Variants in ADAMTS18 observed in about 807,000 individuals in gnomAD.
ADAMTS18 encodes A disintegrin and metalloproteinase with thrombospondin motifs 18.
A neutral mutation model predicts 165.9 loss-of-function variants in ADAMTS18; 157 were observed. The observed-to-expected ratio is 0.95, with a 90% confidence interval of 0.83 to 1.08. The LOEUF (loss-of-function observed/expected upper bound fraction) is 1.08. Among genes scored for constraint, ADAMTS18 ranks in the 50% least tolerant of loss-of-function variants. ADAMTS18 has a pLI of 0.00. For synonymous variants in ADAMTS18, 782 were observed against 578.2 expected, an observed-to-expected ratio of 1.35 and a Z score of -5.06; for missense variants, 2,040 against 1,534.0, an observed-to-expected ratio of 1.33 and a Z score of -5.51.
intron 13 of ADAMTS18, 47 bp downstream of exon 13, chr16:77,325,819 T>C (rs2056084438): frequency 6.4e-7 from 1 of 1,560,966 alleles, no homozygotes. Flanking sequence ...TCAATCACAT[T>C]ATTATCCACA....
At chr16:77,298,083 C>A (rs2055509798) in intron 17 of ADAMTS18, among the ~76,000 whole-genome samples, 2 of 151,858 alleles carry the variant, frequency 1.3e-5, no homozygotes, top group African/African-American at 4.8e-5. Flanking sequence ...TGACACCATA[C>A]CCAGCTAATT....
At chr16:77,407,679 T>C (rs1597236996) in intron 3 of ADAMTS18, among the ~76,000 whole-genome samples, 1 of 152,032 alleles carries the variant, frequency 6.6e-6, no homozygotes, top group East Asian at 1.9e-4. Flanking sequence ...CAGCTAGCAA[T>C]GTAGTGTGCC....
intron 11 of ADAMTS18, among the ~76,000 whole-genome samples, chr16:77,340,250 C>T (rs1379726478): frequency 6.6e-6 from 1 of 152,206 alleles, no homozygotes; most frequent in East Asian, 1.9e-4. Flanking sequence ...TCTCCACTTC[C>T]TGCAACCTCT....
chr16:77,384,418 T>C (rs571923945), intron 3 of ADAMTS18, among the ~76,000 whole-genome samples: 4 of 152,340 alleles, frequency 2.6e-5, no homozygotes, highest in African/African-American at 9.6e-5. Context: ...AGAGTTGATG[T>C]TGTATTTGAT....
At chr16:77,385,043 G>C (rs2057087298) in intron 3 of ADAMTS18, among the ~76,000 whole-genome samples, 1 of 151,746 alleles carries the variant, frequency 6.6e-6, no homozygotes, top group Non-Finnish European at 1.5e-5. Context: ...CAAGTAGCTG[G>C]GATTACAGAC....
chr16:77,390,848 T>C (rs2057177011), intron 3 of ADAMTS18, among the ~76,000 whole-genome samples: 1 of 152,164 alleles, frequency 6.6e-6, no homozygotes, highest in African/African-American at 2.4e-5. Flanking sequence ...AAATGAGAAA[T>C]TCAGTGCCTC....
rs144794762 is a variant in ADAMTS18, at chr16:77,332,501, A to C, written c.1859+3255T>G. On this transcript the variant is annotated intron_variant, in intron 12 of 22. Coordinates refer to ENST00000282849, the MANE Select transcript of ADAMTS18 (RefSeq NM_199355.4). ...TTTCTAATCCTCCTCCAACCTTCCA[A>C]GGTTATCTTCTACATTTTTTTATAC... Among the ~76,000 whole-genome samples, 206 of 152,298 alleles carry C rather than the reference A, an allele frequency of 1.4e-3. 1 individual carries two copies. In the East Asian group the frequency reaches 0.034, roughly 25 times the overall value.
At chr16:77,419,395 C>T (rs1299439999) in intron 3 of ADAMTS18, among the ~76,000 whole-genome samples, 1 of 152,106 alleles carries the variant, frequency 6.6e-6, no homozygotes, top group Non-Finnish European at 1.5e-5. Context: ...TCTGACACCC[C>T]CTTCTCACCC....
chr16:77,331,870 T>C (rs1368663260), intron 12 of ADAMTS18, among the ~76,000 whole-genome samples: 1 of 152,222 alleles, frequency 6.6e-6, no homozygotes, highest in East Asian at 1.9e-4. Flanking sequence ...GTCTCCAAAC[T>C]CTGCTTTATA....
intron 22 of ADAMTS18, among the ~76,000 whole-genome samples, chr16:77,285,100 C>T (rs2055222606): frequency 6.6e-6 from 1 of 150,956 alleles, no homozygotes; most frequent in Admixed American, 6.6e-5. Flanking sequence ...CTCAGATGGG[C>T]CTCAGGAGAT....
intron 3 of ADAMTS18, among the ~76,000 whole-genome samples, chr16:77,402,319 T>C (rs1446477732): frequency 1.3e-5 from 2 of 152,192 alleles, no homozygotes; most frequent in Non-Finnish European, 2.9e-5. Context: ...CTGGCAGATG[T>C]CCAGTCCCTC....
intron 8 of ADAMTS18, 36 bp from the exon 9 acceptor site, chr16:77,356,113 T>C: frequency 6.2e-7 from 1 of 1,613,908 alleles, no homozygotes; most frequent in Non-Finnish European, 8.5e-7. Context: ...TCCTGCTTTG[T>C]GAACCCATTT....
chr16:77,320,170 TA>T, intron 15 of ADAMTS18, 77 bp from the exon 16 acceptor site: 2 of 1,560,962 alleles, frequency 1.3e-6, no homozygotes, highest in South Asian at 2.2e-5. Flanking sequence ...GCCCGACATG[TA>T]GTGTTCAGTT....
chr16:77,389,156 C>A (rs1314283656), intron 3 of ADAMTS18, among the ~76,000 whole-genome samples: 1 of 152,044 alleles, frequency 6.6e-6, no homozygotes, highest in African/African-American at 2.4e-5. Context: ...AAAAAATTAG[C>A]GAGGCATGGT....
At chr16:77,413,963 T>A (rs1312380592) in intron 3 of ADAMTS18, among the ~76,000 whole-genome samples, 1 of 152,166 alleles carries the variant, frequency 6.6e-6, no homozygotes, top group Non-Finnish European at 1.5e-5. Context: ...TTAAATTCAG[T>A]TTTTGCCATC....
chr16:77,359,307 G>C lies in ADAMTS18; in HGVS notation c.1322+11C>G. ...TTTTCACATAAAGTAGTGGTTCAAA[G>C]AGGCACTTACTTGTGCCCTGACTCA... On this transcript the variant is annotated intron_variant, in intron 8 of 22. Transcript: ENST00000282849. 1 of 1,610,342 alleles carries C rather than the reference G, an allele frequency of 6.2e-7. No individual in the cohort carries two copies. Among genetic ancestry groups the C allele is most frequent in the Non-Finnish European group, 8.5e-7 (1 of 1,177,394 alleles).
chr16:77,379,447 G>A (rs1048044164), intron 3 of ADAMTS18, among the ~76,000 whole-genome samples: 1 of 152,080 alleles, frequency 6.6e-6, no homozygotes, highest in African/African-American at 2.4e-5. Flanking sequence ...CTGTGACCAT[G>A]GACTAGAGGT....
At chr16:77,347,250 G>A (rs905681008) in intron 10 of ADAMTS18, among the ~76,000 whole-genome samples, 2 of 152,142 alleles carry the variant, frequency 1.3e-5, no homozygotes, top group Admixed American at 1.3e-4. Flanking sequence ...TCAAATAGTA[G>A]CTGAGAATGT....
intron 3 of ADAMTS18, among the ~76,000 whole-genome samples, chr16:77,396,378 C>G (rs575953813): frequency 6.6e-6 from 1 of 152,298 alleles, no homozygotes; most frequent in Admixed American, 6.5e-5. Flanking sequence ...TAAAACAGAT[C>G]ACAGCCTTTC....
Sources: allele counts gnomAD v4.1 joint callset (sites outside exome capture counted in the v4.1 genomes callset), GRCh38; gene constraint gnomAD v4.1.1; transcripts MANE v1.5; gene names NCBI Gene and HGNC (gene_info 2026-07-23, HGNC 2026-07-21).